Variants in GPAT3 observed in about 807,000 individuals in gnomAD.
GPAT3 encodes 1-AGP acyltransferase 9.
GPAT3 carries 53 observed loss-of-function variants against 58.8 expected under a neutral mutation model. The observed-to-expected ratio is 0.90, with a 90% CI of 0.72 to 1.13. The LOEUF (loss-of-function observed/expected upper bound fraction) is 1.13. GPAT3 is among the 50% of genes most tolerant of loss of function. The pLI, the probability that GPAT3 is intolerant of heterozygous loss-of-function variation, is 0.00. For synonymous variants in GPAT3, 197 were observed against 187.4 expected (o/e 1.05, Z -0.42); for missense variants, 511 against 527.6 (o/e 0.97, Z 0.31).
chr4:83,579,579 C>T (rs1448989952), intron 2 of GPAT3, among the ~76,000 whole-genome samples: 1 of 151,990 alleles, frequency 6.6e-6, no homozygotes, highest in Non-Finnish European at 1.5e-5. Context: ...GGCATAAGCC[C>T]CCATGCCAAG....
chr4:83,535,927 C>T (rs1039734330), upstream of GPAT3: 3 of 985,448 alleles, frequency 3.0e-6, no homozygotes, highest in African/African-American at 3.5e-5. Context: ...TGAAAACTCT[C>T]CTCCTGAAAG....
intron 2 of GPAT3, among the ~76,000 whole-genome samples, chr4:83,562,196 T>TATAATATATATATATTATATATATAA (rs1725167079): frequency 2.2e-5 from 1 of 44,650 alleles, no homozygotes; most frequent in Admixed American, 2.7e-4. Context: ...TATATATATA[T>TATAATATATATATATTATATATATAA]ATAATATATA....
At chr4:83,573,799 A>G (rs899086878) in intron 2 of GPAT3, among the ~76,000 whole-genome samples, 1 of 152,186 alleles carries the variant, frequency 6.6e-6, no homozygotes, top group Admixed American at 6.5e-5. Context: ...AATAGCATAC[A>G]TAGACAGGAG....
In GPAT3 at chr4:83,604,751, A is replaced by G; in HGVS notation, c.1289A>G (p.Asn430Ser). 1.2e-6 allele frequency: 2 copies of G among 1,613,834 alleles called. No individual in the cohort carries two copies. The highest frequency in any genetic ancestry group is 1.7e-6 in the Non-Finnish European group (2 of 1,179,844). Reference protein sequence around the residue: ...QKNYSKMIVGNGSLS With the variant: ...QKNYSKMIVGSGSLS ...AATTACAGCAAGATGATTGTGGGCA[A>G]TGGATCTCTCAGCTAAGAGGACGGA... is the stretch of plus-strand genomic sequence containing the variant. The change falls in exon 12 of 12, where the codon AAT becomes AGT. Residue 430 changes from asparagine to serine, a missense_variant. Physicochemically the swap from Asn to Ser is conservative, Grantham distance 46. Transcript: ENST00000264409.
intron 3 of GPAT3, among the ~76,000 whole-genome samples, 184 bp from the exon 4 acceptor site, chr4:83,587,066 TTAAAG>T (rs1475584044): frequency 2.0e-5 from 3 of 152,256 alleles, no homozygotes; most frequent in Admixed American, 2.0e-4. Flanking sequence ...TTTTTGCCTC[TTAAAG>T]TGTGTCGTGG....
intron 6 of GPAT3, among the ~76,000 whole-genome samples, chr4:83,593,431 G>T (rs780237967): frequency 3.3e-5 from 5 of 151,994 alleles, no homozygotes; most frequent in Non-Finnish European, 2.9e-5. Flanking sequence ...CTCCCAAAGT[G>T]CTGGGAATAC....
intron 2 of GPAT3, among the ~76,000 whole-genome samples, chr4:83,561,377 C>CT (rs1248119786): frequency 6.6e-6 from 1 of 151,666 alleles, no homozygotes; most frequent in African/African-American, 2.4e-5. Flanking sequence ...GTCCATGTTC[C>CT]TTTTTTTTCA....
intron 2 of GPAT3, among the ~76,000 whole-genome samples, chr4:83,574,078 G>T (rs1439377288): frequency 6.6e-6 from 1 of 152,192 alleles, no homozygotes; most frequent in Non-Finnish European, 1.5e-5. Context: ...TTAGGCTTAT[G>T]ACTGGGTGGG....
At chr4:83,545,763 C>T (rs913439354) in intron 2 of GPAT3, among the ~76,000 whole-genome samples, 12 of 151,906 alleles carry the variant, frequency 7.9e-5, no homozygotes, top group Admixed American at 7.2e-4. Context: ...GCAGCTCTAT[C>T]ATTTAAAAAA....
At chr4:83,585,445 T>A (rs999814741) in intron 3 of GPAT3, among the ~76,000 whole-genome samples, 4 of 151,554 alleles carry the variant, frequency 2.6e-5, no homozygotes, top group Non-Finnish European at 5.9e-5. Flanking sequence ...ACTGTATTTT[T>A]AAATAAAAAT....
intron 11 of GPAT3, among the ~76,000 whole-genome samples, chr4:83,601,936 T>G (rs982859409): frequency 3.9e-5 from 6 of 152,206 alleles, no homozygotes; most frequent in Non-Finnish European, 8.8e-5. Context: ...GTGTATGACT[T>G]GAGTTCCATA....
chr4:83,560,064 T>C (rs899635170), intron 2 of GPAT3, among the ~76,000 whole-genome samples: 47 of 152,208 alleles, frequency 3.1e-4, no homozygotes, highest in Non-Finnish European at 3.2e-4. Flanking sequence ...GAAGCTCCAC[T>C]GTGGACCCCC....
At chr4:83,545,991 T>G (rs1244277928) in intron 2 of GPAT3, among the ~76,000 whole-genome samples, 2 of 152,130 alleles carry the variant, frequency 1.3e-5, no homozygotes, top group Non-Finnish European at 2.9e-5. Flanking sequence ...ATTAATTAAA[T>G]TTTCTGCTTT....
At chr4:83,543,535 C>T (rs969083191) in intron 1 of GPAT3, among the ~76,000 whole-genome samples, 1 of 152,084 alleles carries the variant, frequency 6.6e-6, no homozygotes, top group Non-Finnish European at 1.5e-5. Flanking sequence ...TCTTAAATTC[C>T]CTCAAATCTG....
At chr4:83,604,140 C>T (rs1018962730) in intron 11 of GPAT3, among the ~76,000 whole-genome samples, 11 of 152,192 alleles carry the variant, frequency 7.2e-5, no homozygotes, top group African/African-American at 1.7e-4. Context: ...GGCGTGATCT[C>T]GGCTCACTGC....
chr4:83,549,998 C>T (rs913576097), intron 2 of GPAT3, among the ~76,000 whole-genome samples: 4 of 150,338 alleles, frequency 2.7e-5, no homozygotes, highest in East Asian at 2.0e-4. Context: ...GTTGGGATTA[C>T]AGGTGTGAGC....
At position 83,566,419 on chromosome 4, in the gene GPAT3, TTTA is replaced by T. The variant is rs10688921; in HGVS notation, c.209-15116_209-15114del. Among the ~76,000 whole-genome samples the T allele has an allele frequency of 1.5e-3, 214 of 143,582 alleles. 2 individuals carry two copies. The highest frequency in any genetic ancestry group is 4.5e-3 in the African/African-American group (175 of 38,740). The allele number at this position is 143,582 out of a possible 152,430, so 94.2% of individuals were successfully genotyped here. ...TTCTTTTTTTTAAAAAATTAATTAA[TTTA>T]TTATTATTATTATTATTATTATTAT... On this transcript the variant is annotated intron_variant, in intron 2 of 11. Transcript: ENST00000264409.
chr4:83,577,934 G>A (rs1394734573), intron 2 of GPAT3, among the ~76,000 whole-genome samples: 1 of 151,768 alleles, frequency 6.6e-6, no homozygotes, highest in Non-Finnish European at 1.5e-5. Context: ...CCAGTAGCCG[G>A]GATTACAGGC....
chr4:83,535,682 A>G, upstream of GPAT3: 5 of 985,014 alleles, frequency 5.1e-6, no homozygotes, highest in Non-Finnish European at 6.0e-6. Context: ...ACGCGTGGAG[A>G]GAGCTTCCTA....
Sources: allele counts gnomAD v4.1 joint callset (sites outside exome capture counted in the v4.1 genomes callset), GRCh38; gene constraint gnomAD v4.1.1; transcripts MANE v1.5; gene names NCBI Gene and HGNC (gene_info 2026-07-23, HGNC 2026-07-21).